KCTD2: variants seen among roughly 807,000 people sequenced by gnomAD.
KCTD2 encodes the protein BTB/POZ domain-containing protein KCTD2.
A neutral mutation model predicts 27.9 loss-of-function variants in KCTD2; 18 were observed. The ratio of observed to expected loss-of-function variants is 0.64; its 90% CI spans 0.45 to 0.96. KCTD2 has a LOEUF of 0.96. Among genes scored for constraint, KCTD2 ranks in the 40% least tolerant of loss-of-function variants. The probability of loss-of-function intolerance (pLI) is 0.00; values close to 1 mark genes in which losing one functional copy is unlikely to be tolerated. For missense variants in KCTD2, 280 were observed against 348.0 expected, an observed-to-expected ratio of 0.80 and a Z score of 1.56; for synonymous variants, 175 against 148.4, an observed-to-expected ratio of 1.18 and a Z score of -1.30.
chr17:75,057,669 C>T (rs1200419120), intron 3 of KCTD2, among the ~76,000 whole-genome samples: 1 of 151,476 alleles, frequency 6.6e-6, no homozygotes, highest in Non-Finnish European at 1.5e-5. Context: ...AAGCAGTTCT[C>T]CCGCCTCAGC....
intron 2 of KCTD2, among the ~76,000 whole-genome samples, chr17:75,051,119 G>C (rs990948670): frequency 1.9e-4 from 28 of 150,890 alleles, no homozygotes; most frequent in Non-Finnish European, 2.5e-4. Context: ...GACTATAGGC[G>C]CCCACCACCA....
intron 3 of KCTD2, among the ~76,000 whole-genome samples, chr17:75,036,573 G>C (rs1428645806): frequency 6.6e-6 from 1 of 152,240 alleles, no homozygotes; most frequent in African/African-American, 2.4e-5. Context: ...TTAGCACAGG[G>C]AATCTCCCAA....
At position 75,058,588 on chromosome 17, in the gene KCTD2, A is replaced by C. The variant is rs1366596077; in HGVS notation, c.541-922A>C. 3.3e-5 allele frequency among the ~76,000 whole-genome samples: 5 copies of C among 151,640 alleles called. No individual in the cohort carries two copies. In the East Asian group the frequency reaches 9.7e-4, roughly 29 times the overall value. On this transcript the variant is annotated intron_variant, in intron 3 of 5. Transcript: ENST00000322444. ...ACCAGGGCAGGTGGATCATGAGGTC[A>C]GGAGTTCAAGACCAAGCCTGGCCAA...
intron 3 of KCTD2, among the ~76,000 whole-genome samples, chr17:75,055,588 C>G (rs1044060881): frequency 4.0e-5 from 6 of 151,566 alleles, no homozygotes; most frequent in Non-Finnish European, 8.8e-5. Context: ...AATCCCAGCA[C>G]TTTGGGAGGC....
At chr17:75,048,961 A>G in intron 1 of KCTD2, 1 of 306,318 alleles carries the variant, frequency 3.3e-6, no homozygotes, top group Non-Finnish European at 6.0e-6. Flanking sequence ...CCAGCCAGTA[A>G]GTAAACGCCT....
At chr17:75,056,695 CTTG>C (rs925667972) in intron 3 of KCTD2, among the ~76,000 whole-genome samples, 72 of 152,254 alleles carry the variant, frequency 4.7e-4, no homozygotes, top group African/African-American at 1.6e-3. Flanking sequence ...CTCTTTTATA[CTTG>C]TTGTATGTGG....
intron 3 of KCTD2, chr17:75,036,011 A>T (rs2040111535): frequency 2.2e-6 from 1 of 454,034 alleles, no homozygotes; most frequent in Admixed American, 2.4e-5. Context: ...ATGTGTGTGC[A>T]AGTGTACTTG....
In KCTD2 at chr17:75,064,208, G is replaced by A. The variant is rs914197150; in HGVS notation, c.*1161G>A. ...TGGAGTGCCATGCTGGCGAGGATCC[G>A]GATGCGGCAGCACCCTCTTTCGGGC... is the stretch of plus-strand genomic sequence containing the variant. On this transcript the variant is annotated 3_prime_UTR_variant, in exon 6 of 6. Coordinates refer to ENST00000322444, the MANE Select transcript of KCTD2 (RefSeq NM_015353.3). 3.9e-5 allele frequency: 6 copies of A among 152,322 alleles called. No homozygotes were observed. The highest frequency in any genetic ancestry group is 8.8e-5 in the Non-Finnish European group (6 of 68,102). 9.4% of individuals were successfully genotyped at this position (152,322 alleles called of 1,614,324 possible). A position where few individuals can be genotyped will look rare whatever the true frequency, so the allele number is the denominator to read the frequency against.
upstream of KCTD2, among the ~76,000 whole-genome samples, chr17:75,045,372 T>G (rs1003031027): frequency 2.0e-5 from 3 of 152,172 alleles, no homozygotes; most frequent in African/African-American, 7.2e-5. Context: ...GAGACAGGGT[T>G]TTCAGATCAA....
At chr17:75,040,528 C>A in intron 3 of KCTD2, 1 of 266,350 alleles carries the variant, frequency 3.8e-6, no homozygotes, top group Non-Finnish European at 7.3e-6. Flanking sequence ...TTCTCTTCTG[C>A]ATGGAACCCT....
At chr17:75,060,258 C>T (rs1455352931) in intron 4 of KCTD2, among the ~76,000 whole-genome samples, 3 of 150,738 alleles carry the variant, frequency 2.0e-5, no homozygotes, top group Non-Finnish European at 3.0e-5. Flanking sequence ...AAAGTCAAAT[C>T]CCTTTCTTCA....
chr17:75,054,499 C>T lies in KCTD2; in HGVS notation c.540+1394C>T, dbSNP rs78507102. 9.9e-5 allele frequency among the ~76,000 whole-genome samples: 15 copies of T among 152,230 alleles called. 1 individual carries two copies. In the East Asian group the frequency reaches 2.7e-3, roughly 27 times the overall value. On this transcript the variant is annotated intron_variant, in intron 3 of 5. Coordinates refer to ENST00000322444, the MANE Select transcript of KCTD2 (RefSeq NM_015353.3). ...TGGGATTCTGTAAGTAATTGAAAGT[C>T]CTTGCCCTCAAGAAGCTTGAAGTCG...
At position 75,061,013 on chromosome 17, in the gene KCTD2, C is replaced by A. The variant is rs146909817; in HGVS notation, c.637-1107C>A. 9.2e-4 allele frequency among the ~76,000 whole-genome samples: 140 copies of A among 152,320 alleles called. 1 individual carries two copies. The highest frequency in any genetic ancestry group is 3.2e-3 in the African/African-American group (134 of 41,570). ...ACGTCGCCAAGAGTTTAATGCCCTC[C>A]ACTCCAGAAGTATTTTTCCTAATAT... On this transcript the variant is annotated intron_variant, in intron 4 of 5. Coordinates refer to ENST00000322444, the MANE Select transcript of KCTD2 (RefSeq NM_015353.3).
chr17:75,038,047 T>TCAAAAAAAAAAAAAAAAAAAAAAAAAAAA (rs2073120574), intron 3 of KCTD2, among the ~76,000 whole-genome samples: 1 of 152,072 alleles, frequency 6.6e-6, no homozygotes, highest in Non-Finnish European at 1.5e-5. Flanking sequence ...AGACTCCATC[T>TCAAAAAAAAAAAAAAAAAAAAAAAAAAAA]TAAAAAATAA....
At position 75,049,054 on chromosome 17, in the gene KCTD2, A is replaced by G; in HGVS notation, c.340-166A>G. 4 of 528,598 alleles carry G rather than the reference A, an allele frequency of 7.6e-6. No individual in the cohort carries two copies. In the South Asian group the frequency reaches 9.0e-5, roughly 12 times the overall value. 32.7% of individuals were successfully genotyped at this position (528,598 alleles called of 1,614,324 possible). The stretch of plus-strand genomic sequence containing the variant: ...ATAAAGCTATAGCTTTCTTACCAAT[A>G]GTTTGTGACAAATGTGTAACAAAAT... On this transcript the variant is annotated intron_variant, in intron 1 of 5. Coordinates refer to ENST00000322444, the MANE Select transcript of KCTD2 (RefSeq NM_015353.3).
intron 3 of KCTD2, among the ~76,000 whole-genome samples, chr17:75,054,736 G>C (rs1212818394): frequency 6.6e-6 from 1 of 151,970 alleles, no homozygotes; most frequent in African/African-American, 2.4e-5. Context: ...GAACCCAGGA[G>C]GCGGAGCTTG....
intron 1 of KCTD2, chr17:75,033,056 C>A (rs116075492): frequency 6.6e-6 from 1 of 152,234 alleles, no homozygotes; most frequent in Non-Finnish European, 1.5e-5. Context: ...CAATGGTAAC[C>A]GACGCTGCCC....
At chr17:75,055,767 G>A (rs2073343021) in intron 3 of KCTD2, among the ~76,000 whole-genome samples, 1 of 152,056 alleles carries the variant, frequency 6.6e-6, no homozygotes, top group African/African-American at 2.4e-5. Context: ...GGGAGGAGGA[G>A]GTTGTGGTGA....
chr17:75,060,627 G>A (rs969370276), intron 4 of KCTD2: 16 of 1,582,226 alleles, frequency 1.0e-5, no homozygotes, highest in Admixed American at 3.6e-5. Flanking sequence ...GTTCATGGCT[G>A]GGCGCGTGGC....
Sources: allele counts gnomAD v4.1 joint callset (sites outside exome capture counted in the v4.1 genomes callset), GRCh38; gene constraint gnomAD v4.1.1; transcripts MANE v1.5; gene names NCBI Gene and HGNC (gene_info 2026-07-23, HGNC 2026-07-21).